Variants in BICRA observed in about 807,000 individuals in gnomAD.
The protein encoded by BICRA is BRD4 interacting chromatin remodeling complex associated protein, also known as BRD4-interacting chromatin-remodeling complex-associated protein.
Under a neutral mutation model 96.9 loss-of-function variants are expected in BICRA, and 31 were observed. The ratio of observed to expected loss-of-function variants is 0.32; its 90% CI spans 0.24 to 0.43. The LOEUF (loss-of-function observed/expected upper bound fraction) is 0.43. BICRA is among the 20% of genes least tolerant of loss of function. The pLI is 1.00. For missense variants in BICRA, 2,283 were observed against 2,190.3 expected, an observed-to-expected ratio of 1.04 and a Z score of -0.84; for synonymous variants, 1,350 against 1,071.8, an observed-to-expected ratio of 1.26 and a Z score of -5.07.
Position 47,701,273 on chromosome 19 carries a change from C to A in BICRA, c.3596-55C>A, listed in dbSNP as rs1042217637. ...TCACTGCACACAGCTCCTCCCAGCT[C>A]GGTCGGGGGGTCCTCATCCTAACCC... On this transcript the variant is annotated intron_variant, in intron 14 of 14. Transcript: ENST00000594866. This position sits in a 1 kb window ranked among gnomAD's most constrained non-coding sequence, Gnocchi z 5.4. 1.2e-5 allele frequency: 15 copies of A among 1,294,090 alleles called. No individual in the cohort carries two copies. Among genetic ancestry groups the A allele is most frequent in the Non-Finnish European group, 1.7e-5 (15 of 909,032 alleles). The allele number at this position is 1,294,090 out of a possible 1,614,324, so 80.2% of individuals were successfully genotyped here.
chr19:47,698,763 C>G lies in BICRA; in HGVS notation c.3378C>G (p.Ser1126=), dbSNP rs1430757877. The part of the protein sequence containing the change: ...PYHVYQGALP[S]PSDYHKVDEE... ...ATGTCTACCAGGGCGCCCTCCCCTC[C>G]CCCAGTGACTACCACAAAGGTGAGG... Residue 1126 remains serine, a synonymous_variant, in exon 12 of 15, where the codon TCC becomes TCG. Transcript: ENST00000594866. The surrounding 1 kb of genome is among the most constrained non-coding windows in gnomAD (Gnocchi z 4.8). The G allele has an allele frequency of 6.2e-7, 1 of 1,607,578 alleles. No individual in the cohort carries two copies.
At chr19:47,670,306 C>T (rs544464186) in intron 1 of BICRA, 137 bp from the exon 2 acceptor site, 2 of 152,448 alleles carry the variant, frequency 1.3e-5, no homozygotes, top group South Asian at 4.1e-4. Context: ...CCTTTTCAGC[C>T]TCCCGTCTCT....
chr19:47,702,508 G>A lies in BICRA; in HGVS notation c.*93G>A. The A allele has an allele frequency of 7.4e-7, 1 of 1,356,000 alleles. No homozygotes were observed. The highest frequency in any genetic ancestry group is 1.7e-5 in the South Asian group (1 of 59,110). 84.0% of individuals were successfully genotyped at this position (1,356,000 alleles called of 1,614,324 possible). Reference sequence around the variant, plus strand: ...CAGCCTCCTGGGGACTCGAGCCGGGGATCCCCTGACGGTTTTTCTTGCCTA... The same window carrying A: ...CAGCCTCCTGGGGACTCGAGCCGGGAATCCCCTGACGGTTTTTCTTGCCTA... On this transcript the variant is annotated 3_prime_UTR_variant, in exon 15 of 15. Coordinates refer to ENST00000594866, the MANE Select transcript of BICRA (RefSeq NM_001394372.1).
intron 7 of BICRA, among the ~76,000 whole-genome samples, chr19:47,693,643 G>A (rs747867990): frequency 1.3e-5 from 2 of 152,186 alleles, no homozygotes; most frequent in Non-Finnish European, 2.9e-5. Context: ...ATGGGCTGGT[G>A]GGGGCTGGCG....
At chr19:47,629,522 T>C (rs1234728977) in intron 1 of BICRA, among the ~76,000 whole-genome samples, 2 of 152,236 alleles carry the variant, frequency 1.3e-5, no homozygotes, top group Admixed American at 6.6e-5. Context: ...CTCTTTAAGG[T>C]TGAATAATAT....
At chr19:47,639,711 G>T (rs1325585900) in intron 1 of BICRA, among the ~76,000 whole-genome samples, 1 of 143,434 alleles carries the variant, frequency 7.0e-6, no homozygotes, top group African/African-American at 2.6e-5. Context: ...GCACCATCAT[G>T]ACTCATTGCA....
intron 6 of BICRA, among the ~76,000 whole-genome samples, 158 bp from the exon 7 acceptor site, chr19:47,681,818 T>G (rs936130957): frequency 9.9e-5 from 15 of 151,912 alleles, no homozygotes; most frequent in African/African-American, 3.6e-4. Context: ...GCAGGCTGCC[T>G]GGGTTTCGGC....
intron 2 of BICRA, 82 bp from the exon 3 acceptor site, chr19:47,673,488 T>TC: frequency 9.2e-7 from 1 of 1,081,726 alleles, no homozygotes; most frequent in Non-Finnish European, 1.4e-6. Flanking sequence ...TCCAGGGGGC[T>TC]CCCCTGAAGG....
chr19:47,695,342 T>TCGCC, intron 9 of BICRA, 23 bp from the exon 10 acceptor site: 1 of 630,198 alleles, frequency 1.6e-6, no homozygotes, highest in Admixed American at 2.9e-5. Flanking sequence ...AGGCCCTGTC[T>TCGCC]CCCCCACCCC....
chr19:47,648,023 T>C (rs1972486178), intron 1 of BICRA, among the ~76,000 whole-genome samples: 1 of 151,748 alleles, frequency 6.6e-6, no homozygotes, highest in Non-Finnish European at 1.5e-5. Flanking sequence ...TGCTCCTGGG[T>C]CGGTGTGCGG....
chr19:47,638,288 G>A (rs1352072920), intron 1 of BICRA, among the ~76,000 whole-genome samples: 1 of 152,198 alleles, frequency 6.6e-6, no homozygotes, highest in African/African-American at 2.4e-5. Flanking sequence ...GGGACAGAAG[G>A]GACAGCCTGC....
In BICRA at chr19:47,698,591, C is replaced by A. The variant is rs777169163; in HGVS notation, c.3249-43C>A. 8.0e-6 allele frequency: 7 copies of A among 878,072 alleles called. No individual in the cohort carries two copies. Among genetic ancestry groups the A allele is most frequent in the Admixed American group, 1.8e-5 (1 of 56,656 alleles). The allele number at this position is 878,072 out of a possible 1,614,324, so 54.4% of individuals were successfully genotyped here. On this transcript the variant is annotated intron_variant, in intron 11 of 14. Transcript: ENST00000594866. This position sits in a 1 kb window ranked among gnomAD's most constrained non-coding sequence, Gnocchi z 4.8. ...CTTCCCCTGGCCCTCACCCGTCCCCCCCACCCTCCGCCGTGTGTGGTCTCT... is the reference window on the plus strand; with the variant it reads ...CTTCCCCTGGCCCTCACCCGTCCCCACCACCCTCCGCCGTGTGTGGTCTCT...
intron 1 of BICRA, among the ~76,000 whole-genome samples, chr19:47,640,895 ATTT>A (rs35232398): frequency 4.2e-5 from 4 of 95,216 alleles, no homozygotes; most frequent in South Asian, 4.0e-4. Context: ...TCAGAGTCAG[ATTT>A]TTTTTTTTTT....
chr19:47,679,812 C>A lies in BICRA; in HGVS notation c.642C>A (p.Leu214=). Residue 214 remains leucine (L), a synonymous_variant, in exon 6 of 15, where the codon CTC becomes CTA. Coordinates refer to ENST00000594866, the MANE Select transcript of BICRA (RefSeq NM_001394372.1). The part of the protein sequence containing the change: ...GNVTLQPIPG[L]QGLPNGSPGG... ...TGACACTGCAGCCCATCCCGGGCCT[C>A]CAAGGCCTGCCCAATGGCAGCCCTG... 6.7e-7 allele frequency: 1 copy of A among 1,486,506 alleles called. No individual in the cohort carries two copies. 92.1% of individuals were successfully genotyped at this position (1,486,506 alleles called of 1,614,324 possible).
intron 1 of BICRA, among the ~76,000 whole-genome samples, chr19:47,627,396 A>G (rs1352648712): frequency 6.6e-6 from 1 of 152,130 alleles, no homozygotes; most frequent in Non-Finnish European, 1.5e-5. Flanking sequence ...GAGGTTAAAT[A>G]GATGACATTC....
chr19:47,681,301 A>AG (rs1252531488), intron 6 of BICRA, 25 bp downstream of exon 6: 1 of 1,538,022 alleles, frequency 6.5e-7, no homozygotes, highest in African/African-American at 1.4e-5. Context: ...GCAAGGGAGC[A>AG]GGTACCGGAG....
intron 4 of BICRA, among the ~76,000 whole-genome samples, chr19:47,674,342 G>A (rs563687614): frequency 8.7e-6 from 1 of 115,198 alleles, no homozygotes; most frequent in Non-Finnish European, 1.8e-5. Context: ...CGATAGAGGA[G>A]TTGTTATTTT....
In BICRA at chr19:47,702,509, A is replaced by G; in HGVS notation, c.*94A>G. 4.4e-6 allele frequency: 6 copies of G among 1,351,124 alleles called. No individual in the cohort carries two copies. The highest frequency in any genetic ancestry group is 5.7e-6 in the Non-Finnish European group (6 of 1,050,862). 83.7% of individuals were successfully genotyped at this position (1,351,124 alleles called of 1,614,324 possible). On this transcript the variant is annotated 3_prime_UTR_variant, in exon 15 of 15. Transcript: ENST00000594866. The stretch of plus-strand genomic sequence containing the variant: ...AGCCTCCTGGGGACTCGAGCCGGGG[A>G]TCCCCTGACGGTTTTTCTTGCCTAA...
chr19:47,645,138 C>A (rs937273565), intron 1 of BICRA, among the ~76,000 whole-genome samples: 6 of 152,190 alleles, frequency 3.9e-5, no homozygotes, highest in Non-Finnish European at 5.9e-5. Flanking sequence ...ATCCTCCCCA[C>A]CCCGATGTAG....
Sources: gnomAD v4.1 joint callset for allele counts (sites outside exome capture counted in the v4.1 genomes callset) on GRCh38, gnomAD v4.1.1 for gene constraint, Gnocchi (gnomAD v3.1) non-coding constraint, MANE v1.5 for transcripts, NCBI Gene and HGNC (gene_info 2026-07-23, HGNC 2026-07-21) for gene names.